COL13A1: variants seen among roughly 807,000 people sequenced by gnomAD.
COL13A1 encodes the protein collagen type XIII alpha 1 chain.
COL13A1 carries 89 observed loss-of-function variants against 130.9 expected under a neutral mutation model. The ratio of observed to expected loss-of-function variants is 0.68; its 90% CI spans 0.57 to 0.81. The LOEUF (loss-of-function observed/expected upper bound fraction) is 0.81. Ranked by LOEUF, COL13A1 falls within the 30% of genes least tolerant of loss-of-function variation. The pLI, the probability that COL13A1 is intolerant of heterozygous loss-of-function variation, is 0.00. For synonymous variants in COL13A1, 402 were observed against 341.6 expected, an observed-to-expected ratio of 1.18 and a Z score of -1.95; for missense variants, 879 against 934.6, an observed-to-expected ratio of 0.94 and a Z score of 0.78.
intron 2 of COL13A1, among the ~76,000 whole-genome samples, chr10:69,831,801 G>C (rs373859836): frequency 6.6e-6 from 1 of 152,138 alleles, no homozygotes. Context: ...GCAGTTACAG[G>C]TGTGGGCTCT....
Position 69,943,404 on chromosome 10 carries a change from C to T in COL13A1, c.1915-721C>T, listed in dbSNP as rs565812725. On this transcript the variant is annotated intron_variant, in intron 35 of 40. Coordinates refer to ENST00000645393, the MANE Select transcript of COL13A1 (RefSeq NM_001368882.1). ...GTCTGGCCAGGCTGTGAACTGGGAACGTGGGAAGATGTTGGAGGAGGCCAG... is the reference window on the plus strand; with the variant it reads ...GTCTGGCCAGGCTGTGAACTGGGAATGTGGGAAGATGTTGGAGGAGGCCAG... Among the ~76,000 whole-genome samples the T allele has an allele frequency of 3.5e-4, 54 of 152,324 alleles. No homozygotes were observed. In the South Asian group the frequency reaches 6.4e-3, roughly 18 times the overall value.
In COL13A1 at chr10:69,802,172, A is replaced by C. The variant is rs1840182473; in HGVS notation, c.-252A>C. The C allele has an allele frequency of 6.6e-6, 3 of 455,290 alleles. No individual in the cohort carries two copies. 28.2% of individuals were successfully genotyped at this position (455,290 alleles called of 1,614,324 possible). ...GGTCAGATTCCCCTAACTTTCCTGG[A>C]CTTGGAACGTTCTTCGAAATAACTT... On this transcript the variant is annotated 5_prime_UTR_variant, in exon 1 of 41. Transcript: ENST00000645393.
intron 3 of COL13A1, among the ~76,000 whole-genome samples, chr10:69,868,447 C>T (rs1459018551): frequency 6.6e-6 from 1 of 152,208 alleles, no homozygotes; most frequent in East Asian, 1.9e-4. Flanking sequence ...AGTGGAGCCA[C>T]TTCCAGAGAA....
At chr10:69,944,005 TG>T (rs2136140665) in intron 35 of COL13A1, 119 bp from the exon 36 acceptor site, 2 of 774,274 alleles carry the variant, frequency 2.6e-6, no homozygotes, top group Non-Finnish European at 4.4e-6. Flanking sequence ...TGAACGAGCC[TG>T]GCCTCGCCAA....
chr10:69,919,594 A>T (rs1339843249), intron 20 of COL13A1, 71 bp from the exon 21 acceptor site: 1 of 398,830 alleles, frequency 2.5e-6, no homozygotes, highest in Non-Finnish European at 4.4e-6. Flanking sequence ...CTGGTCAATG[A>T]TCACTGCCCA....
chr10:69,937,720 G>A lies in COL13A1; in HGVS notation c.1878+5G>A. The A allele has an allele frequency of 7.0e-7, 1 of 1,437,980 alleles. No homozygotes were observed. The highest frequency in any genetic ancestry group is 9.8e-7 in the Non-Finnish European group (1 of 1,019,484). The allele number at this position is 1,437,980 out of a possible 1,614,324, so 89.1% of individuals were successfully genotyped here. A position where few individuals can be genotyped will look rare whatever the true frequency, so the allele number is the denominator to read the frequency against. Reference sequence around the variant, plus strand: ...CGTGGTCCCCTGGGACTACCCGTAAGTACCTTGGACCCAGCAAGACTGGTG... The same window carrying A: ...CGTGGTCCCCTGGGACTACCCGTAAATACCTTGGACCCAGCAAGACTGGTG... On this transcript the variant is annotated splice_donor_5th_base_variant and intron_variant, in intron 34 of 40. Transcript: ENST00000645393.
intron 38 of COL13A1, among the ~76,000 whole-genome samples, chr10:69,952,312 C>T (rs768868338): frequency 1.3e-5 from 2 of 152,242 alleles, no homozygotes; most frequent in Non-Finnish European, 2.9e-5. Context: ...AACGTGGGCA[C>T]ACACACACAT....
At chr10:69,907,950 A>T (rs1565023236) in intron 17 of COL13A1, among the ~76,000 whole-genome samples, 1 of 152,356 alleles carries the variant, frequency 6.6e-6, no homozygotes, top group Non-Finnish European at 1.5e-5. Flanking sequence ...TAAGTTTCCA[A>T]CACAAGAGCT....
chr10:69,894,663 G>A lies in COL13A1; in HGVS notation c.631-12G>A, dbSNP rs186188829. 86 of 1,613,998 alleles carry A rather than the reference G, an allele frequency of 5.3e-5. No individual in the cohort carries two copies. The highest frequency in any genetic ancestry group is 2.5e-4 in the Admixed American group (15 of 60,036). ...TTTGGTTTCTAACTCTCTCATCTCCGTCTCTTTGTAGGGACCCCAGGGACA... is the reference window on the plus strand; with the variant it reads ...TTTGGTTTCTAACTCTCTCATCTCCATCTCTTTGTAGGGACCCCAGGGACA... On this transcript the variant is annotated splice_polypyrimidine_tract_variant and intron_variant, in intron 11 of 40. Transcript: ENST00000645393.
chr10:69,825,547 C>G (rs989619578), intron 2 of COL13A1, among the ~76,000 whole-genome samples: 1 of 152,164 alleles, frequency 6.6e-6, no homozygotes. Context: ...CACCTTATCC[C>G]TCACCCCACC....
chr10:69,931,826 T>C (rs74139243), intron 30 of COL13A1, among the ~76,000 whole-genome samples: 148 of 152,328 alleles, frequency 9.7e-4, no homozygotes, highest in African/African-American at 3.5e-3. Flanking sequence ...TACACACTTA[T>C]TGGCACATAG....
At chr10:69,921,523 C>G (rs1258448276) in intron 21 of COL13A1, among the ~76,000 whole-genome samples, 2 of 152,216 alleles carry the variant, frequency 1.3e-5, no homozygotes, top group Non-Finnish European at 2.9e-5. Context: ...CTTGCCCAAC[C>G]ACTGGCGTTC....
intron 2 of COL13A1, among the ~76,000 whole-genome samples, chr10:69,843,375 T>G (rs112588031): frequency 1.0e-3 from 158 of 152,298 alleles, no homozygotes; most frequent in Middle Eastern, 6.8e-3. Context: ...CTGTGGCCTC[T>G]TGGGCAAATT....
intron 3 of COL13A1, among the ~76,000 whole-genome samples, chr10:69,869,183 C>CCAGA (rs1337266613): frequency 9.9e-5 from 15 of 152,204 alleles, no homozygotes; most frequent in Non-Finnish European, 1.5e-5. Flanking sequence ...GGGACTGTTC[C>CCAGA]CAGACCCCTT....
intron 2 of COL13A1, among the ~76,000 whole-genome samples, chr10:69,854,839 G>A (rs1391415845): frequency 6.6e-6 from 1 of 152,124 alleles, no homozygotes; most frequent in African/African-American, 2.4e-5. Context: ...GAATAGACAG[G>A]TACTCAGCGC....
intron 2 of COL13A1, among the ~76,000 whole-genome samples, chr10:69,866,351 G>A (rs1589162158): frequency 6.6e-6 from 1 of 152,174 alleles, no homozygotes; most frequent in Non-Finnish European, 1.5e-5. Context: ...GGCCTGGCAG[G>A]CGCAAGGCAT....
At chr10:69,924,890 T>C (rs976360358) in intron 24 of COL13A1, 73 bp from the exon 25 acceptor site, 2 of 1,431,394 alleles carry the variant, frequency 1.4e-6, no homozygotes, top group African/African-American at 1.4e-5. Context: ...CCTTATCACA[T>C]GGCCCATCTA....
At chr10:69,942,535 C>A (rs960153792) in intron 35 of COL13A1, among the ~76,000 whole-genome samples, 15 of 152,164 alleles carry the variant, frequency 9.9e-5, no homozygotes, top group Non-Finnish European at 2.2e-4. Context: ...CCCTTAGGAA[C>A]TGAGTCTTTA....
At chr10:69,949,677 C>A (rs917902139) in intron 38 of COL13A1, among the ~76,000 whole-genome samples, 1 of 152,186 alleles carries the variant, frequency 6.6e-6, no homozygotes, top group Non-Finnish European at 1.5e-5. Context: ...AATATCCTGA[C>A]CTTGTCACTA....
Sources: gnomAD v4.1 joint callset for allele counts (sites outside exome capture counted in the v4.1 genomes callset) on GRCh38, gnomAD v4.1.1 for gene constraint, MANE v1.5 for transcripts, NCBI Gene and HGNC (gene_info 2026-07-23, HGNC 2026-07-21) for gene names.